RAPGEF5: variants seen among roughly 807,000 people sequenced by gnomAD.
RAPGEF5 encodes the protein M-Ras-regulated GEF.
RAPGEF5 carries 65 observed loss-of-function variants against 125.2 expected under a neutral mutation model. That is an observed-to-expected ratio of 0.52 (90% confidence interval 0.43 to 0.64). RAPGEF5 has a LOEUF of 0.64. Among genes scored for constraint, RAPGEF5 ranks in the 30% least tolerant of loss-of-function variants. The pLI, the probability that RAPGEF5 is intolerant of heterozygous loss-of-function variation, is 0.00. For synonymous variants in RAPGEF5, 391 were observed against 385.9 expected, an observed-to-expected ratio of 1.01 and a Z score of -0.16; for missense variants, 958 against 1,048.1, an observed-to-expected ratio of 0.91 and a Z score of 1.19.
intron 6 of RAPGEF5, among the ~76,000 whole-genome samples, chr7:22,267,649 C>T (rs1337191854): frequency 6.6e-6 from 1 of 152,174 alleles, no homozygotes; most frequent in Non-Finnish European, 1.5e-5. Flanking sequence ...CACTTACTCT[C>T]ACTCTCATCC....
chr7:22,325,837 T>A (rs905088432), intron 1 of RAPGEF5, among the ~76,000 whole-genome samples: 3 of 152,210 alleles, frequency 2.0e-5, no homozygotes, highest in Non-Finnish European at 2.9e-5. Flanking sequence ...GTACTGGGAT[T>A]ATATGAGTCA....
At chr7:22,333,383 G>C (rs973112604) in intron 1 of RAPGEF5, among the ~76,000 whole-genome samples, 2 of 152,026 alleles carry the variant, frequency 1.3e-5, no homozygotes, top group Non-Finnish European at 2.9e-5. Flanking sequence ...TTTAAGTAAA[G>C]CTTCCCTACA....
intron 1 of RAPGEF5, among the ~76,000 whole-genome samples, chr7:22,345,607 G>A (rs977212432): frequency 6.6e-5 from 10 of 151,208 alleles, no homozygotes; most frequent in African/African-American, 2.2e-4. Flanking sequence ...TATAAACCAC[G>A]ACAGAGTGAA....
At chr7:22,242,636 T>C (rs1444231629) in intron 7 of RAPGEF5, among the ~76,000 whole-genome samples, 2 of 152,168 alleles carry the variant, frequency 1.3e-5, no homozygotes, top group African/African-American at 4.8e-5. Context: ...AGCTACATCT[T>C]AAACAGACTT....
At chr7:22,317,546 T>G (rs1191219731) in intron 2 of RAPGEF5, among the ~76,000 whole-genome samples, 1 of 152,132 alleles carries the variant, frequency 6.6e-6, no homozygotes, top group African/African-American at 2.4e-5. Flanking sequence ...AGCCAAAAAA[T>G]GCAACTCTTT....
intron 11 of RAPGEF5, 124 bp from the exon 12 acceptor site, chr7:22,167,272 G>A: frequency 6.2e-6 from 4 of 642,888 alleles, no homozygotes; most frequent in East Asian, 2.8e-5. Flanking sequence ...GCTGTGGGAG[G>A]GATTAGGAGA....
chr7:22,353,468 A>C (rs918714949), intron 1 of RAPGEF5, among the ~76,000 whole-genome samples: 4 of 152,214 alleles, frequency 2.6e-5, no homozygotes, highest in Non-Finnish European at 4.4e-5. Context: ...TGTGAGTAAG[A>C]CAACATGATG....
intron 7 of RAPGEF5, among the ~76,000 whole-genome samples, chr7:22,256,721 G>A (rs1394351118): frequency 6.6e-6 from 1 of 152,142 alleles, no homozygotes; most frequent in African/African-American, 2.4e-5. Flanking sequence ...TAAAGATAAT[G>A]AGAGCTAAAA....
At chr7:22,241,768 T>C (rs2128136338) in intron 7 of RAPGEF5, among the ~76,000 whole-genome samples, 1 of 152,310 alleles carries the variant, frequency 6.6e-6, no homozygotes, top group South Asian at 2.1e-4. Context: ...CAGACCCACC[T>C]GCCACTGGGG....
chr7:22,325,449 A>G (rs1783796245), intron 1 of RAPGEF5, among the ~76,000 whole-genome samples: 1 of 152,118 alleles, frequency 6.6e-6, no homozygotes, highest in Non-Finnish European at 1.5e-5. Context: ...ATCACCACCT[A>G]TCCTTTCCCC....
intron 7 of RAPGEF5, among the ~76,000 whole-genome samples, chr7:22,256,737 T>C (rs77787681): frequency 0.025 from 3,863 of 152,208 alleles, 178 homozygotes; most frequent in African/African-American, 0.088. Flanking sequence ...TAAAAGTGCT[T>C]TGGATTCCCT....
chr7:22,123,724 A>C (rs1340111069), intron 25 of RAPGEF5, among the ~76,000 whole-genome samples: 1 of 152,236 alleles, frequency 6.6e-6, no homozygotes, highest in Non-Finnish European at 1.5e-5. Flanking sequence ...CCTGTTTGAA[A>C]GTAACAAAAA....
At chr7:22,341,091 G>A (rs1316680706) in intron 1 of RAPGEF5, among the ~76,000 whole-genome samples, 1 of 152,162 alleles carries the variant, frequency 6.6e-6, no homozygotes, top group African/African-American at 2.4e-5. Context: ...TCACACTGCT[G>A]ATAAAGACAT....
intron 3 of RAPGEF5, chr7:22,314,787 A>C: frequency 1.8e-5 from 5 of 274,154 alleles, no homozygotes; most frequent in Non-Finnish European, 2.8e-5. Flanking sequence ...TTGTTCCATA[A>C]AATGAAAACA....
At position 22,120,455 on chromosome 7, in the gene RAPGEF5, T is replaced by C. The variant is rs1045040275; in HGVS notation, c.*1951A>G. The C allele has an allele frequency of 2.0e-5, 3 of 152,622 alleles. No individual in the cohort carries two copies. Among genetic ancestry groups the C allele is most frequent in the Non-Finnish European group, 2.9e-5 (2 of 68,038 alleles). 9.5% of individuals were successfully genotyped at this position (152,622 alleles called of 1,614,324 possible). A position where few individuals can be genotyped will look rare whatever the true frequency, so the allele number is the denominator to read the frequency against. On this transcript the variant is annotated 3_prime_UTR_variant, in exon 26 of 26. Transcript: ENST00000665637. The surrounding 1 kb of genome is among the most constrained non-coding windows in gnomAD (Gnocchi z 4.0). ...TCCAAATTTTGAAACACAGAAACAATGTCAGGATGGCCTTATATGATTACA... is the reference window on the plus strand; with the variant it reads ...TCCAAATTTTGAAACACAGAAACAACGTCAGGATGGCCTTATATGATTACA...
chr7:22,305,465 G>C (rs993144255), intron 5 of RAPGEF5, among the ~76,000 whole-genome samples: 7 of 152,040 alleles, frequency 4.6e-5, no homozygotes, highest in African/African-American at 9.7e-5. Context: ...GGGTACATGA[G>C]ATGTTTCGAT....
rs181321776 is a variant in RAPGEF5 at position 22,142,737 on chromosome 7, T to C, written c.2186+2307A>G. ...AGTTCAGCAAACACTCCTTTTGTCT[T>C]TGTGTGAGGAAATAAAATCCACTCA... On this transcript the variant is annotated intron_variant, in intron 20 of 25. Transcript: ENST00000665637. Among the ~76,000 whole-genome samples the C allele has an allele frequency of 2.5e-3, 388 of 152,320 alleles. 2 individuals are homozygous for C. The highest frequency in any genetic ancestry group is 0.025 in the South Asian group (122 of 4,822).
Position 22,252,743 on chromosome 7 carries a change from C to CT in RAPGEF5, c.796+14220dup, listed in dbSNP as rs201369411. Among the ~76,000 whole-genome samples, 1,270 of 152,176 alleles carry CT rather than the reference C, an allele frequency of 8.3e-3. 19 individuals are homozygous for CT. Among genetic ancestry groups the CT allele is most frequent in the African/African-American group, 0.029 (1,223 of 41,530 alleles). The stretch of plus-strand genomic sequence containing the variant: ...AATTACAAAAGATAGTGTCATGGGA[C>CT]TTTTTTTAAAGGCAATTTTCTTTGT... On this transcript the variant is annotated intron_variant, in intron 7 of 25. Coordinates refer to ENST00000665637, the MANE Select transcript of RAPGEF5 (RefSeq NM_012294.5).
At chr7:22,139,063 T>C (rs1320121583) in intron 21 of RAPGEF5, among the ~76,000 whole-genome samples, 1 of 152,178 alleles carries the variant, frequency 6.6e-6, no homozygotes, top group African/African-American at 2.4e-5. Context: ...CTTCAGGGTA[T>C]GACCCCTGAC....
Sources: gnomAD v4.1 joint callset for allele counts (sites outside exome capture counted in the v4.1 genomes callset) on GRCh38, gnomAD v4.1.1 for gene constraint, Gnocchi (gnomAD v3.1) non-coding constraint, MANE v1.5 for transcripts, NCBI Gene and HGNC (gene_info 2026-07-23, HGNC 2026-07-21) for gene names.